Variants in PRMT8 observed in about 807,000 individuals in gnomAD.
PRMT8 encodes the protein protein arginine N-methyltransferase 8.
PRMT8 carries 7 observed loss-of-function variants against 47.1 expected under a neutral mutation model. The observed-to-expected ratio is 0.15, with a 90% CI of 0.08 to 0.28. PRMT8 has a LOEUF of 0.28. Among genes scored for constraint, PRMT8 ranks in the 10% least tolerant of loss-of-function variants. PRMT8 has a pLI of 1.00. For synonymous variants in PRMT8, 188 were observed against 186.5 expected (o/e 1.01, Z -0.07); for missense variants, 237 against 505.4 (o/e 0.47, Z 5.09).
chr12:3,428,137 G>A (rs192505993), intron 1 of PRMT8, among the ~76,000 whole-genome samples: 1 of 152,098 alleles, frequency 6.6e-6, no homozygotes. Context: ...TTCCTCATAG[G>A]TCTGGTCGGA....
At position 3,514,831 on chromosome 12, in the gene PRMT8, A is replaced by T. The variant is rs1865764427; in HGVS notation, c.75+23131A>T. On this transcript the variant is annotated intron_variant, in intron 1 of 9. Coordinates refer to ENST00000382622, the MANE Select transcript of PRMT8 (RefSeq NM_019854.5). The surrounding 1 kb of genome is among the most constrained non-coding windows in gnomAD (Gnocchi z 5.9). ...CGTGTAGCAGACCCCATACTCCTTC[A>T]TGGCTTCTGGGTTCCAGTAACTTCT... 6.6e-6 allele frequency among the ~76,000 whole-genome samples: 1 copy of T among 152,048 alleles called. No individual in the cohort carries two copies. The highest frequency in any genetic ancestry group is 1.5e-5 in the Non-Finnish European group (1 of 68,002).
At position 3,569,843 on chromosome 12, in the gene PRMT8, A is replaced by T. The variant is rs1442615988; in HGVS notation, c.712+279A>T. 6.6e-6 allele frequency among the ~76,000 whole-genome samples: 1 copy of T among 152,228 alleles called. No homozygotes were observed. Among genetic ancestry groups the T allele is most frequent in the Non-Finnish European group, 1.5e-5 (1 of 68,034 alleles). ...TGTGAATTAAAAATTGGACTGAGGCAGCAGAAGCTGAGTTTTTGCAGAGAT... is the reference window on the plus strand; with the variant it reads ...TGTGAATTAAAAATTGGACTGAGGCTGCAGAAGCTGAGTTTTTGCAGAGAT... On this transcript the variant is annotated intron_variant, in intron 6 of 9. Coordinates refer to ENST00000382622, the MANE Select transcript of PRMT8 (RefSeq NM_019854.5). This position sits in a 1 kb window ranked among gnomAD's most constrained non-coding sequence, Gnocchi z 8.2.
At chr12:3,420,795 C>T (rs909166378) in intron 1 of PRMT8, among the ~76,000 whole-genome samples, 3 of 152,324 alleles carry the variant, frequency 2.0e-5, no homozygotes, top group South Asian at 2.1e-4. Context: ...GACCAGAGTC[C>T]GTTTCTGTGG....
chr12:3,422,279 TATC>T (rs1000344483), intron 1 of PRMT8, among the ~76,000 whole-genome samples: 2 of 152,212 alleles, frequency 1.3e-5, no homozygotes, highest in Non-Finnish European at 2.9e-5. Flanking sequence ...AGAACTTTGG[TATC>T]ATGTAGGAGG....
At chr12:3,452,807 G>A (rs1049416100) in intron 1 of PRMT8, among the ~76,000 whole-genome samples, 7 of 152,214 alleles carry the variant, frequency 4.6e-5, no homozygotes. Flanking sequence ...TAAAGCCACA[G>A]CTTAGGTCCT....
chr12:3,483,174 C>T (rs146827571), intron 1 of PRMT8, among the ~76,000 whole-genome samples: 10 of 152,298 alleles, frequency 6.6e-5, no homozygotes, highest in African/African-American at 2.4e-4. Context: ...GGGAAGCACA[C>T]AGCACAGCAC....
rs201974362 is a variant in PRMT8, at chr12:3,385,917, G to A, written c.48+4475G>A. Among the ~76,000 whole-genome samples the A allele has an allele frequency of 2.7e-3, 404 of 151,242 alleles. 2 individuals carry two copies. Among genetic ancestry groups the A allele is most frequent in the East Asian group, 9.2e-3 (47 of 5,136 alleles). ...CGTTCTTTTGTCTACTTGTTCATCC[G>A]TCCATCCATCCATCCATCCATCCAC... On this transcript the variant is annotated intron_variant, in intron 1 of 9. Transcript: ENST00000452611.
chr12:3,531,544 T>C (rs1370470997), intron 1 of PRMT8, among the ~76,000 whole-genome samples: 1 of 152,158 alleles, frequency 6.6e-6, no homozygotes. Context: ...CACTTACGGA[T>C]CCAGGAGACA....
At chr12:3,420,035 CAG>C (rs145716727) in intron 1 of PRMT8, among the ~76,000 whole-genome samples, 9,915 of 131,656 alleles carry the variant, frequency 0.075, 449 homozygotes, top group Non-Finnish European at 0.11. Context: ...GAGAGACAGA[CAG>C]AGAGAGAGAG....
At chr12:3,458,961 C>T (rs893596536) in intron 1 of PRMT8, among the ~76,000 whole-genome samples, 3 of 152,218 alleles carry the variant, frequency 2.0e-5, no homozygotes, top group Non-Finnish European at 4.4e-5. Flanking sequence ...ATCGGGTTGG[C>T]ACTTGTCCAC....
intron 1 of PRMT8, among the ~76,000 whole-genome samples, chr12:3,496,212 A>ATTTTTTTTTTTTTTTTTTTT (rs1444249290): frequency 2.1e-4 from 4 of 19,392 alleles, no homozygotes; most frequent in Non-Finnish European, 2.4e-4. Context: ...ATATATATAT[A>ATTTTTTTTTTTTTTTTTTTT]TATTTTTTTT....
chr12:3,529,843 T>C (rs901732782), intron 1 of PRMT8, among the ~76,000 whole-genome samples: 2 of 152,180 alleles, frequency 1.3e-5, no homozygotes, highest in African/African-American at 4.8e-5. Flanking sequence ...TCACCAGTTA[T>C]GCTCTATGGG....
intron 1 of PRMT8, among the ~76,000 whole-genome samples, chr12:3,416,255 C>T (rs188204782): frequency 1.3e-4 from 20 of 152,274 alleles, no homozygotes; most frequent in Non-Finnish European, 2.5e-4. Flanking sequence ...TGACATCATC[C>T]CCTATCAAGA....
chr12:3,489,991 A>G (rs150793324), upstream of PRMT8, among the ~76,000 whole-genome samples: 143 of 152,150 alleles, frequency 9.4e-4, 1 homozygote, highest in African/African-American at 3.3e-3. Context: ...CATGTTTCCT[A>G]CTGAGAATGA....
rs57739335 is a variant in PRMT8 at position 3,580,337 on chromosome 12, C to CGTGTGTGT, written c.829-2698_829-2691dup. On this transcript the variant is annotated intron_variant, in intron 7 of 9. Transcript: ENST00000382622. This position sits in a 1 kb window ranked among gnomAD's most constrained non-coding sequence, Gnocchi z 4.6. ...TCCTGCCAGATGGGGGGTGCGTGTGCGTGTGTGTGTGTGTGTGTGTGTGTG... is the reference window on the plus strand; with the variant it reads ...TCCTGCCAGATGGGGGGTGCGTGTGCGTGTGTGTGTGTGTGTGTGTGTGTGTGTGTGTG... 6.3e-3 allele frequency among the ~76,000 whole-genome samples: 914 copies of CGTGTGTGT among 145,636 alleles called. 8 individuals carry two copies. The highest frequency in any genetic ancestry group is 0.018 in the Middle Eastern group (5 of 276).
Position 3,593,283 on chromosome 12 carries a change from A to C in PRMT8, c.*101A>C. 2 of 1,033,302 alleles carry C rather than the reference A, an allele frequency of 1.9e-6. No homozygotes were observed. Among genetic ancestry groups the C allele is most frequent in the East Asian group, 2.6e-5 (1 of 38,472 alleles). The allele number at this position is 1,033,302 out of a possible 1,614,324, so 64.0% of individuals were successfully genotyped here. On this transcript the variant is annotated 3_prime_UTR_variant, in exon 10 of 10. Transcript: ENST00000382622. The surrounding 1 kb of genome is among the most constrained non-coding windows in gnomAD (Gnocchi z 4.8). ...CGTTTGCAGGACTACACACTTGAAA[A>C]CCAGAGTTTTCAACTCTGCCTTGAA...
intron 4 of PRMT8, among the ~76,000 whole-genome samples, chr12:3,562,091 A>G (rs186129642): frequency 6.6e-6 from 1 of 152,332 alleles, no homozygotes; most frequent in Non-Finnish European, 1.5e-5. Flanking sequence ...TCTCCAGCAC[A>G]CCACTGTATA....
At chr12:3,417,170 G>A (rs1008281994) in intron 1 of PRMT8, among the ~76,000 whole-genome samples, 5 of 152,178 alleles carry the variant, frequency 3.3e-5, no homozygotes, top group African/African-American at 9.7e-5. Flanking sequence ...TGAGAAATGT[G>A]GAGTTCGTAA....
At chr12:3,419,116 T>C (rs1219757868) in intron 1 of PRMT8, among the ~76,000 whole-genome samples, 1 of 152,170 alleles carries the variant, frequency 6.6e-6, no homozygotes, top group African/African-American at 2.4e-5. Flanking sequence ...TATTCGTCCA[T>C]AAAACCCTGG....
Sources: gnomAD v4.1 joint callset for allele counts (sites outside exome capture counted in the v4.1 genomes callset) on GRCh38, gnomAD v4.1.1 for gene constraint, Gnocchi (gnomAD v3.1) non-coding constraint, MANE v1.5 for transcripts, NCBI Gene and HGNC (gene_info 2026-07-23, HGNC 2026-07-21) for gene names.